BNC2: variants seen among roughly 807,000 people sequenced by gnomAD.
BNC2 encodes the protein zinc finger protein basonuclin-2.
BNC2 carries 20 observed loss-of-function variants against 76.3 expected under a neutral mutation model. The observed-to-expected ratio is 0.26, with a 90% CI of 0.18 to 0.38. The LOEUF (loss-of-function observed/expected upper bound fraction) is 0.38, where lower values mean the gene tolerates loss of function less well. Among genes scored for constraint, BNC2 ranks in the 10% least tolerant of loss-of-function variants. The pLI is 1.00. For missense variants in BNC2, 1,382 were observed against 1,399.8 expected (o/e 0.99, Z 0.20); for synonymous variants, 582 against 514.8 (o/e 1.13, Z -1.77).
intron 5 of BNC2, among the ~76,000 whole-genome samples, chr9:16,522,858 C>G (rs1474061652): frequency 6.6e-6 from 1 of 152,086 alleles, no homozygotes; most frequent in East Asian, 1.9e-4. Flanking sequence ...AAAATCAAAA[C>G]CACCACTCTG....
chr9:16,799,212 T>G (rs1817726791), intron 1 of BNC2, among the ~76,000 whole-genome samples: 1 of 152,162 alleles, frequency 6.6e-6, no homozygotes, highest in Non-Finnish European at 1.5e-5. Flanking sequence ...TAGTCATAAC[T>G]CCAGAGGCAA....
intron 4 of BNC2, among the ~76,000 whole-genome samples, chr9:16,554,623 G>C (rs1243742277): frequency 6.6e-6 from 1 of 152,052 alleles, no homozygotes; most frequent in Non-Finnish European, 1.5e-5. Flanking sequence ...AGGGCATTTA[G>C]ACTGCAAAAA....
intron 1 of BNC2, among the ~76,000 whole-genome samples, chr9:16,752,392 A>C (rs1825244825): frequency 6.8e-6 from 1 of 147,992 alleles, no homozygotes; most frequent in South Asian, 2.2e-4. Context: ...CTGTATCTTC[A>C]CAATATTAAA....
rs549242435 is a variant in BNC2, at chr9:16,728,942, A to G, written c.130-945T>C. On this transcript the variant is annotated intron_variant, in intron 2 of 6. Coordinates refer to ENST00000380672, the MANE Select transcript of BNC2 (RefSeq NM_017637.6). ...AAAGTTCCTAGATGAAGCATCTGCA[A>G]TATCCTTTCAAATCGTTAAGAAAAG... Among the ~76,000 whole-genome samples the G allele has an allele frequency of 4.6e-5, 7 of 152,258 alleles. No homozygotes were observed. In the South Asian group the frequency reaches 6.2e-4, roughly 14 times the overall value.
At chr9:16,559,083 G>C (rs1031478517) in intron 4 of BNC2, among the ~76,000 whole-genome samples, 2 of 152,108 alleles carry the variant, frequency 1.3e-5, no homozygotes, top group African/African-American at 4.8e-5. Context: ...GATTTACAAA[G>C]AGGGACGAAT....
intron 3 of BNC2, among the ~76,000 whole-genome samples, chr9:16,659,374 C>A (rs981432897): frequency 1.6e-4 from 24 of 151,998 alleles, no homozygotes; most frequent in East Asian, 1.9e-4. Flanking sequence ...CTTTGGGGGG[C>A]CGAGGTGGGC....
intron 5 of BNC2, among the ~76,000 whole-genome samples, chr9:16,527,135 A>AC (rs1232929562): frequency 6.6e-6 from 1 of 152,210 alleles, no homozygotes; most frequent in Non-Finnish European, 1.5e-5. Context: ...AAGGACAAGG[A>AC]CTGGGGGGCA....
chr9:16,800,236 A>AG (rs397775313), intron 1 of BNC2, among the ~76,000 whole-genome samples: 1 of 151,418 alleles, frequency 6.6e-6, no homozygotes, highest in Non-Finnish European at 1.5e-5. Context: ...AAAAAAAAAA[A>AG]GAAAAGAAAC....
intron 3 of BNC2, among the ~76,000 whole-genome samples, chr9:16,616,832 G>A (rs1183589307): frequency 6.6e-6 from 1 of 151,282 alleles, no homozygotes; most frequent in African/African-American, 2.4e-5. Flanking sequence ...AGGAAGGAAG[G>A]AAGGAAGTTC....
intron 1 of BNC2, among the ~76,000 whole-genome samples, chr9:16,813,225 A>G (rs1160536834): frequency 6.6e-6 from 1 of 151,886 alleles, no homozygotes; most frequent in East Asian, 1.9e-4. Flanking sequence ...AAAGGTCTAT[A>G]TACCCACAAC....
chr9:16,660,454 CAA>C (rs545256437), intron 3 of BNC2, among the ~76,000 whole-genome samples: 17 of 122,146 alleles, frequency 1.4e-4, no homozygotes, highest in Admixed American at 3.5e-4. Flanking sequence ...AAGTCCATCT[CAA>C]AAAAAAAAAA....
At chr9:16,528,352 A>C (rs938440751) in intron 5 of BNC2, among the ~76,000 whole-genome samples, 1 of 152,212 alleles carries the variant, frequency 6.6e-6, no homozygotes, top group Non-Finnish European at 1.5e-5. Context: ...TCCTAGAGAA[A>C]CGAAAATACA....
chr9:16,594,252 T>C (rs749970303), intron 3 of BNC2, among the ~76,000 whole-genome samples: 7 of 152,150 alleles, frequency 4.6e-5, no homozygotes, highest in South Asian at 2.1e-4. Flanking sequence ...TGCATGATTA[T>C]CACACACTTT....
Position 16,573,552 on chromosome 9 carries a change from C to T in BNC2, c.433+9431G>A, listed in dbSNP as rs140200589. ...GTAGAGTTGCCTTTACATTTCTTGGCGAGTAGAATCTAAGGCCCAAGACTG... is the reference window on the plus strand; with the variant it reads ...GTAGAGTTGCCTTTACATTTCTTGGTGAGTAGAATCTAAGGCCCAAGACTG... On this transcript the variant is annotated intron_variant, in intron 4 of 6. Coordinates refer to ENST00000380672, the MANE Select transcript of BNC2 (RefSeq NM_017637.6). Among the ~76,000 whole-genome samples, 492 of 151,968 alleles carry T rather than the reference C, an allele frequency of 3.2e-3. 5 individuals carry two copies. Among genetic ancestry groups the T allele is most frequent in the African/African-American group, 0.011 (460 of 41,408 alleles).
intron 1 of BNC2, among the ~76,000 whole-genome samples, chr9:16,789,307 GCACTTATAT>G (rs1004643035): frequency 6.6e-6 from 1 of 151,918 alleles, no homozygotes. Context: ...GGTGGCCATG[GCACTTATAT>G]CAAACACACC....
intron 5 of BNC2, among the ~76,000 whole-genome samples, chr9:16,480,087 C>T (rs925288985): frequency 9.2e-5 from 14 of 152,128 alleles, no homozygotes; most frequent in Non-Finnish European, 7.4e-5. Flanking sequence ...TAACATCATT[C>T]GATACATGTA....
chr9:16,732,100 G>T (rs957169682), intron 2 of BNC2, among the ~76,000 whole-genome samples: 2 of 141,052 alleles, frequency 1.4e-5, no homozygotes, highest in African/African-American at 5.3e-5. Context: ...AAATGTTACT[G>T]ATCTTTTCAG....
intron 6 of BNC2, among the ~76,000 whole-genome samples, chr9:16,423,684 C>T (rs1820750930): frequency 1.3e-5 from 2 of 152,108 alleles, no homozygotes; most frequent in African/African-American, 4.8e-5. Context: ...ACTCATGTAA[C>T]AGAATATCCA....
chr9:16,539,403 C>T (rs909869414), intron 5 of BNC2, among the ~76,000 whole-genome samples: 2 of 151,134 alleles, frequency 1.3e-5, no homozygotes, highest in African/African-American at 4.9e-5. Flanking sequence ...TGGCACACAC[C>T]TATAGTCACA....
Sources: allele counts gnomAD v4.1 joint callset (sites outside exome capture counted in the v4.1 genomes callset), GRCh38; gene constraint gnomAD v4.1.1; transcripts MANE v1.5; gene names NCBI Gene and HGNC (gene_info 2026-07-23, HGNC 2026-07-21).